The following BANK1 variants were observed in gnomAD, a reference collection of about 807,000 sequenced individuals.
BANK1 encodes the protein B cell scaffold protein with ankyrin repeats 1, also known as B-cell scaffold protein with ankyrin repeats.
BANK1 carries 95 observed loss-of-function variants against 94.5 expected under a neutral mutation model. The observed-to-expected ratio is 1.00, with a 90% CI of 0.85 to 1.19. BANK1 has a LOEUF of 1.19. Ranked by LOEUF, BANK1 falls within the 50% of genes most tolerant of loss-of-function variation. The pLI is 0.00. For synonymous variants in BANK1, 334 were observed against 308.4 expected, an observed-to-expected ratio of 1.08 and a Z score of -0.87; for missense variants, 987 against 932.2, an observed-to-expected ratio of 1.06 and a Z score of -0.77.
intron 7 of BANK1, among the ~76,000 whole-genome samples, chr4:102,016,004 A>G (rs777257875): frequency 3.9e-5 from 6 of 152,202 alleles, no homozygotes; most frequent in Non-Finnish European, 5.9e-5. Context: ...CTTCCATGCA[A>G]CCTAACCAAA....
At chr4:102,070,037 A>C (rs1728709911) in intron 13 of BANK1, among the ~76,000 whole-genome samples, 1 of 152,210 alleles carries the variant, frequency 6.6e-6, no homozygotes, top group Admixed American at 6.5e-5. Flanking sequence ...GGCCTGCAGC[A>C]ACCCCAATTC....
chr4:101,981,021 A>G (rs1263758468), intron 7 of BANK1, among the ~76,000 whole-genome samples: 2 of 152,116 alleles, frequency 1.3e-5, no homozygotes, highest in Non-Finnish European at 2.9e-5. Flanking sequence ...ATCTGCAAAT[A>G]TAGTGATAGT....
intron 7 of BANK1, among the ~76,000 whole-genome samples, chr4:101,996,914 C>G (rs966049910): frequency 5.3e-5 from 8 of 152,066 alleles, no homozygotes; most frequent in Non-Finnish European, 1.0e-4. Flanking sequence ...ATTTGAATAC[C>G]CTTTTTTTCT....
intron 1 of BANK1, among the ~76,000 whole-genome samples, chr4:101,808,934 T>C (rs1725651584): frequency 6.6e-6 from 1 of 152,208 alleles, no homozygotes. Context: ...TGGAAAACAG[T>C]ATGGAGAGTC....
rs200742637 is a variant in BANK1, at chr4:101,908,836, T to G, written c.1010-9157T>G. Among the ~76,000 whole-genome samples, 12 of 152,198 alleles carry G rather than the reference T, an allele frequency of 7.9e-5. No individual in the cohort carries two copies. In the East Asian group the frequency reaches 2.3e-3, roughly 29 times the overall value. ...CATCATCACTGGCCATCAGAGAAAT[T>G]CAAATCAAAACCACAATAAGATACC... On this transcript the variant is annotated intron_variant, in intron 6 of 16. Coordinates refer to ENST00000322953, the MANE Select transcript of BANK1 (RefSeq NM_017935.5).
intron 1 of BANK1, among the ~76,000 whole-genome samples, chr4:101,794,536 T>A (rs1450300055): frequency 6.6e-6 from 1 of 152,130 alleles, no homozygotes; most frequent in African/African-American, 2.4e-5. Flanking sequence ...AAACATTTCA[T>A]AAGTCATCAT....
intron 7 of BANK1, among the ~76,000 whole-genome samples, chr4:101,964,752 G>A (rs1051113105): frequency 1.3e-5 from 2 of 151,876 alleles, no homozygotes; most frequent in Non-Finnish European, 2.9e-5. Context: ...ATAAATTAAA[G>A]AGAAGTATTC....
chr4:101,891,804 T>C (rs1353366566), intron 5 of BANK1, among the ~76,000 whole-genome samples: 1 of 152,128 alleles, frequency 6.6e-6, no homozygotes, highest in African/African-American at 2.4e-5. Context: ...TTGATTACTG[T>C]ATTTTCAGTT....
chr4:101,805,272 T>A (rs1258935527), intron 1 of BANK1, among the ~76,000 whole-genome samples: 1 of 152,196 alleles, frequency 6.6e-6, no homozygotes, highest in Non-Finnish European at 1.5e-5. Flanking sequence ...TTAACTTACA[T>A]AAATGCAAGT....
At chr4:101,833,337 A>G (rs1726701647) in intron 2 of BANK1, among the ~76,000 whole-genome samples, 1 of 152,120 alleles carries the variant, frequency 6.6e-6, no homozygotes, top group Non-Finnish European at 1.5e-5. Flanking sequence ...GCCAATGGAG[A>G]TAGACAGAGT....
chr4:102,038,927 T>C (rs1342535268), intron 10 of BANK1, among the ~76,000 whole-genome samples: 1 of 152,168 alleles, frequency 6.6e-6, no homozygotes, highest in Non-Finnish European at 1.5e-5. Flanking sequence ...TAATGTTTTC[T>C]CCTCTGGAAA....
intron 7 of BANK1, among the ~76,000 whole-genome samples, chr4:101,947,850 A>G (rs1204625537): frequency 6.6e-6 from 1 of 152,004 alleles, no homozygotes; most frequent in Non-Finnish European, 1.5e-5. Flanking sequence ...CATATAAAAT[A>G]TTTTTGAAAA....
chr4:101,837,464 T>C (rs2148866256), intron 2 of BANK1, among the ~76,000 whole-genome samples: 1 of 152,348 alleles, frequency 6.6e-6, no homozygotes, highest in South Asian at 2.1e-4. Context: ...TCTGATACTT[T>C]ACACAAGGGT....
chr4:102,000,441 C>T (rs373215669), intron 7 of BANK1, among the ~76,000 whole-genome samples: 2 of 151,222 alleles, frequency 1.3e-5, no homozygotes, highest in East Asian at 3.9e-4. Context: ...AGACATATGA[C>T]TACCCTACCT....
chr4:101,888,032 T>G (rs1168185943), intron 5 of BANK1, among the ~76,000 whole-genome samples: 1 of 152,208 alleles, frequency 6.6e-6, no homozygotes, highest in Non-Finnish European at 1.5e-5. Flanking sequence ...TTATCAAATT[T>G]CACTTTAAAC....
chr4:101,924,561 C>G (rs542197792), intron 7 of BANK1, among the ~76,000 whole-genome samples: 1 of 151,746 alleles, frequency 6.6e-6, no homozygotes, highest in South Asian at 2.1e-4. Context: ...GTACAGCTAG[C>G]CTCCACAGCA....
intron 7 of BANK1, among the ~76,000 whole-genome samples, chr4:101,971,994 A>T (rs1054796892): frequency 6.6e-6 from 1 of 152,048 alleles, no homozygotes; most frequent in Non-Finnish European, 1.5e-5. Flanking sequence ...TGTTAACTTT[A>T]GGATCGTTTT....
chr4:101,999,121 G>A (rs1725976300), intron 7 of BANK1, among the ~76,000 whole-genome samples: 1 of 152,084 alleles, frequency 6.6e-6, no homozygotes, highest in Non-Finnish European at 1.5e-5. Flanking sequence ...TCTACCTTCT[G>A]GTGGTCTTCC....
intron 7 of BANK1, among the ~76,000 whole-genome samples, chr4:101,921,187 A>G (rs1722986359): frequency 6.6e-6 from 1 of 152,130 alleles, no homozygotes; most frequent in Middle Eastern, 3.4e-3. Flanking sequence ...GGATAATAAT[A>G]TCATATATTT....
Sources: allele counts gnomAD v4.1 joint callset (sites outside exome capture counted in the v4.1 genomes callset), GRCh38; gene constraint gnomAD v4.1.1; transcripts MANE v1.5; gene names NCBI Gene and HGNC (gene_info 2026-07-23, HGNC 2026-07-21).